Variants in GULP1 observed in about 807,000 individuals in gnomAD.
The protein encoded by GULP1 is GULP PTB domain containing engulfment adaptor 1.
Under a neutral mutation model 40.9 loss-of-function variants are expected in GULP1, and 19 were observed. The ratio of observed to expected loss-of-function variants is 0.46; its 90% confidence interval spans 0.32 to 0.68. GULP1 has a LOEUF of 0.68. Among genes scored for constraint, GULP1 ranks in the 30% least tolerant of loss-of-function variants. The probability of loss-of-function intolerance (pLI) is 0.03; values close to 1 mark genes in which losing one functional copy is unlikely to be tolerated. For missense variants in GULP1, 312 were observed against 362.2 expected (o/e 0.86, Z 1.12); for synonymous variants, 119 against 117.6 (o/e 1.01, Z -0.08).
At chr2:188,344,898 A>G (rs1043457727) in intron 1 of GULP1, among the ~76,000 whole-genome samples, 1 of 152,262 alleles carries the variant, frequency 6.6e-6, no homozygotes, top group Non-Finnish European at 1.5e-5. Context: ...AATTATTTGA[A>G]CAGTTATATC....
chr2:188,403,646 A>G (rs1044901109), intron 2 of GULP1, among the ~76,000 whole-genome samples: 3 of 152,194 alleles, frequency 2.0e-5, no homozygotes, highest in Admixed American at 1.3e-4. Flanking sequence ...AGGAGACTGT[A>G]TTAGATTTGA....
chr2:188,504,690 T>C (rs557712394), intron 4 of GULP1, among the ~76,000 whole-genome samples: 1 of 151,998 alleles, frequency 6.6e-6, no homozygotes, highest in South Asian at 2.1e-4. Flanking sequence ...TAGTGAACTA[T>C]CAAACACTTT....
intron 2 of GULP1, among the ~76,000 whole-genome samples, chr2:188,425,089 A>G (rs1398900117): frequency 2.0e-5 from 3 of 152,076 alleles, no homozygotes; most frequent in South Asian, 4.1e-4. Flanking sequence ...TTCCAATCTT[A>G]TCATTACTAA....
intron 1 of GULP1, among the ~76,000 whole-genome samples, chr2:188,319,591 G>A (rs968496624): frequency 6.6e-6 from 1 of 152,116 alleles, no homozygotes; most frequent in African/African-American, 2.4e-5. Context: ...ACATGACTAT[G>A]AGCATATAAA....
intron 4 of GULP1, among the ~76,000 whole-genome samples, chr2:188,499,379 C>G (rs2063216479): frequency 6.6e-6 from 1 of 151,110 alleles, no homozygotes; most frequent in South Asian, 2.1e-4. Flanking sequence ...ATTGTGCATC[C>G]ACCTCATCCT....
At chr2:188,381,043 T>A (rs1384204634) in intron 1 of GULP1, among the ~76,000 whole-genome samples, 3 of 152,130 alleles carry the variant, frequency 2.0e-5, no homozygotes, top group Admixed American at 6.6e-5. Context: ...ATTATGTTCA[T>A]ACTAAAATTT....
At chr2:188,335,558 A>G (rs1341431597) in intron 1 of GULP1, among the ~76,000 whole-genome samples, 1 of 152,144 alleles carries the variant, frequency 6.6e-6, no homozygotes. Flanking sequence ...TCCTGTATAC[A>G]TCACATTGCT....
chr2:188,576,952 CCCTCATAG>C (rs921001556), intron 9 of GULP1, among the ~76,000 whole-genome samples: 2 of 152,062 alleles, frequency 1.3e-5, no homozygotes, highest in South Asian at 2.1e-4. Context: ...GTTTATTCTG[CCCTCATAG>C]CCTCATAGCC....
At chr2:188,349,805 T>C (rs2044195394) in intron 1 of GULP1, among the ~76,000 whole-genome samples, 1 of 152,176 alleles carries the variant, frequency 6.6e-6, no homozygotes, top group Non-Finnish European at 1.5e-5. Context: ...ATGAAAATTA[T>C]GGCTATGTCT....
intron 2 of GULP1, among the ~76,000 whole-genome samples, chr2:188,414,174 G>A (rs532922730): frequency 2.9e-5 from 4 of 140,012 alleles, no homozygotes; most frequent in South Asian, 4.5e-4. Context: ...CTAAGATCAC[G>A]CCACTGCACT....
intron 1 of GULP1, 149 bp from the exon 2 acceptor site, chr2:188,383,614 A>G (rs1332310891): frequency 6.6e-6 from 1 of 152,258 alleles, no homozygotes; most frequent in African/African-American, 2.4e-5. Flanking sequence ...TACATATTTT[A>G]TCATTATTTC....
intron 1 of GULP1, among the ~76,000 whole-genome samples, chr2:188,358,195 A>G (rs1033011369): frequency 1.3e-5 from 2 of 152,016 alleles, no homozygotes; most frequent in African/African-American, 4.8e-5. Flanking sequence ...AACAACAACA[A>G]CAACAACAAC....
intron 1 of GULP1, among the ~76,000 whole-genome samples, chr2:188,365,677 A>T (rs1181163128): frequency 2.0e-5 from 3 of 152,178 alleles, no homozygotes; most frequent in African/African-American, 7.2e-5. Context: ...GATGTCAAGA[A>T]AGGCACGGTA....
chr2:188,557,717 C>A (rs1336235075), intron 7 of GULP1, among the ~76,000 whole-genome samples: 1 of 152,216 alleles, frequency 6.6e-6, no homozygotes, highest in Non-Finnish European at 1.5e-5. Flanking sequence ...ACTAGGCAGT[C>A]CCCCAATGGG....
chr2:188,454,889 G>A (rs894319177), intron 2 of GULP1, among the ~76,000 whole-genome samples: 2 of 152,062 alleles, frequency 1.3e-5, no homozygotes, highest in Non-Finnish European at 2.9e-5. Context: ...TTTGGGAGGC[G>A]GACATGGGAG....
At chr2:188,460,678 C>A (rs2059629683) in intron 2 of GULP1, among the ~76,000 whole-genome samples, 1 of 152,138 alleles carries the variant, frequency 6.6e-6, no homozygotes, top group Admixed American at 6.5e-5. Context: ...CTAGGACTTC[C>A]AGTACTGTGT....
At chr2:188,448,312 G>T (rs1217494340) in intron 2 of GULP1, among the ~76,000 whole-genome samples, 4 of 151,716 alleles carry the variant, frequency 2.6e-5, no homozygotes, top group Non-Finnish European at 5.9e-5. Context: ...TTCTTTTTTT[G>T]CTATTCCAAC....
intron 7 of GULP1, among the ~76,000 whole-genome samples, chr2:188,545,812 T>C (rs1288707139): frequency 6.6e-6 from 1 of 151,944 alleles, no homozygotes; most frequent in African/African-American, 2.4e-5. Context: ...ATAATCCAGA[T>C]ACATATCATC....
chr2:188,482,103 A>G (rs915534376), intron 3 of GULP1, among the ~76,000 whole-genome samples: 2 of 151,918 alleles, frequency 1.3e-5, no homozygotes, highest in Admixed American at 6.6e-5. Flanking sequence ...TCACTCTAGT[A>G]GTCAGAAATA....
Sources: gnomAD v4.1 joint callset for allele counts (sites outside exome capture counted in the v4.1 genomes callset) on GRCh38, gnomAD v4.1.1 for gene constraint, MANE v1.5 for transcripts, NCBI Gene and HGNC (gene_info 2026-07-23, HGNC 2026-07-21) for gene names.